TLCD3A: variants seen among roughly 807,000 people sequenced by gnomAD.
TLCD3A encodes TLC domain-containing protein 3A.
In TLCD3A, 17 loss-of-function variants were observed where a neutral mutation model predicts 29.9. The observed-to-expected ratio is 0.57, with a 90% CI of 0.39 to 0.85. The LOEUF (loss-of-function observed/expected upper bound fraction) is 0.85. Ranked by LOEUF, TLCD3A falls within the 40% of genes least tolerant of loss-of-function variation. TLCD3A has a pLI of 0.00. For missense variants in TLCD3A, 332 were observed against 350.8 expected (o/e 0.95, Z 0.43); for synonymous variants, 143 against 147.7 (o/e 0.97, Z 0.23).
At chr17:733,438 G>A (rs1974107587) in intron 2 of TLCD3A, among the ~76,000 whole-genome samples, 1 of 152,214 alleles carries the variant, frequency 6.6e-6, no homozygotes, top group African/African-American at 2.4e-5. Context: ...GAAGAGATAA[G>A]CGTGGAAGCA....
rs1034412835 is a variant in TLCD3A at position 741,678 on chromosome 17, C to T, written c.*108C>T. On this transcript the variant is annotated 3_prime_UTR_variant, in exon 5 of 5. Coordinates refer to ENST00000308278, the MANE Select transcript of TLCD3A (RefSeq NM_024792.3). ...CCTCAGACTTTGGGTATTGATAAGC[C>T]GATGGATTTGAGTTTTTCTAAAGAA... 5.3e-6 allele frequency: 7 copies of T among 1,326,794 alleles called. No homozygotes were observed. The highest frequency in any genetic ancestry group is 1.4e-5 in the South Asian group (1 of 70,634). 82.2% of individuals were successfully genotyped at this position (1,326,794 alleles called of 1,614,324 possible). A position where few individuals can be genotyped will look rare whatever the true frequency, so the allele number is the denominator to read the frequency against.
intron 3 of TLCD3A, among the ~76,000 whole-genome samples, chr17:739,145 T>C (rs1363667344): frequency 2.0e-5 from 3 of 151,586 alleles, no homozygotes; most frequent in Non-Finnish European, 4.4e-5. Context: ...TTCCTCACTC[T>C]TGAGTGCCTG....
chr17:732,827 C>G, intron 1 of TLCD3A, 58 bp downstream of exon 1: 2 of 1,389,826 alleles, frequency 1.4e-6, no homozygotes, highest in Non-Finnish European at 1.9e-6. Flanking sequence ...CGCACCCCAC[C>G]CGGCCGCGGG....
intron 3 of TLCD3A, among the ~76,000 whole-genome samples, chr17:740,071 A>G (rs539271316): frequency 2.0e-5 from 3 of 152,178 alleles, no homozygotes; most frequent in Non-Finnish European, 4.4e-5. Context: ...AAATAAATAA[A>G]TAAGGGTAAC....
At chr17:740,125 G>A (rs1381078092) in intron 3 of TLCD3A, among the ~76,000 whole-genome samples, 1 of 152,170 alleles carries the variant, frequency 6.6e-6, no homozygotes, top group Non-Finnish European at 1.5e-5. Context: ...TACCATCTAG[G>A]AACCAGAACA....
intron 1 of TLCD3A, 86 bp from the exon 2 acceptor site, chr17:733,012 G>C (rs2144103939): frequency 3.4e-6 from 5 of 1,468,580 alleles, no homozygotes; most frequent in Non-Finnish European, 4.6e-6. Context: ...TGCGGCTGGG[G>C]AGAGTCAGGC....
Position 741,782 on chromosome 17 carries a change from A to AATGGAAT in TLCD3A, c.*212_*213insATGGAAT. On this transcript the variant is annotated 3_prime_UTR_variant, in exon 5 of 5. Coordinates refer to ENST00000308278, the MANE Select transcript of TLCD3A (RefSeq NM_024792.3). ...AGTAACAACTATTGGGTCCTGTCAG[A>AATGGAAT]CCTCCACGGACAGCAAAGTGGTTTT... is the stretch of plus-strand genomic sequence containing the variant. 1 of 602,782 alleles carries AATGGAAT rather than the reference A, an allele frequency of 1.7e-6. No homozygotes were observed. 37.3% of individuals were successfully genotyped at this position (602,782 alleles called of 1,614,324 possible).
At chr17:740,726 C>G in intron 4 of TLCD3A, 126 bp downstream of exon 4, 1 of 975,812 alleles carries the variant, frequency 1.0e-6, no homozygotes, top group Non-Finnish European at 1.6e-6. Flanking sequence ...AGTGAAGGTT[C>G]TGATTCAGGC....
chr17:740,740 TATGA>T, intron 4 of TLCD3A, 140 bp downstream of exon 4: 5 of 858,022 alleles, frequency 5.8e-6, no homozygotes, highest in Non-Finnish European at 5.5e-6. Flanking sequence ...TTCAGGCATG[TATGA>T]ATGAATGGCA....
In TLCD3A at chr17:738,414, C is replaced by T. The variant is rs543895460; in HGVS notation, c.408+367C>T. Among the ~76,000 whole-genome samples the T allele has an allele frequency of 2.0e-4, 30 of 150,794 alleles. No individual in the cohort carries two copies. The East Asian group carries it at 5.6e-3, about 28-fold the overall frequency. Reference sequence around the variant, plus strand: ...CCCGGCCTGAGCTGGATGTCTTGACCGTTACTTAGGAGTCGGGATTGCCCC... The same window carrying T: ...CCCGGCCTGAGCTGGATGTCTTGACTGTTACTTAGGAGTCGGGATTGCCCC... On this transcript the variant is annotated intron_variant, in intron 3 of 4. Transcript: ENST00000308278.
chr17:740,388 C>T (rs1329853893), intron 3 of TLCD3A, 117 bp from the exon 4 acceptor site: 13 of 771,478 alleles, frequency 1.7e-5, no homozygotes, highest in South Asian at 1.6e-4. Flanking sequence ...TCTGCGCTTG[C>T]CTATTGAGCG....
At chr17:737,702 C>CTA in intron 2 of TLCD3A, 144 bp from the exon 3 acceptor site, 3 of 815,088 alleles carry the variant, frequency 3.7e-6, no homozygotes, top group Non-Finnish European at 6.0e-6. Context: ...AGCAAGTGGT[C>CTA]TACTCTCCCT....
chr17:736,740 C>G (rs1282626900), intron 2 of TLCD3A, among the ~76,000 whole-genome samples: 1 of 152,108 alleles, frequency 6.6e-6, no homozygotes, highest in East Asian at 1.9e-4. Context: ...ACTGCAACCT[C>G]TGCCTCCCAG....
chr17:740,923 T>G (rs916833115), intron 4 of TLCD3A, among the ~76,000 whole-genome samples: 2 of 152,186 alleles, frequency 1.3e-5, no homozygotes, highest in African/African-American at 2.4e-5. Context: ...GCTGGTCATC[T>G]CAGCCAGTGG....
intron 2 of TLCD3A, among the ~76,000 whole-genome samples, chr17:736,330 A>G (rs1974153417): frequency 6.6e-6 from 1 of 152,232 alleles, no homozygotes; most frequent in South Asian, 2.1e-4. Context: ...TTTTCTACCT[A>G]ATACGTGGAT....
intron 3 of TLCD3A, among the ~76,000 whole-genome samples, chr17:739,724 G>A (rs1418639568): frequency 1.3e-5 from 2 of 152,200 alleles, no homozygotes; most frequent in East Asian, 1.9e-4. Flanking sequence ...GGCTCTAAGA[G>A]TATTCTTATA....
intron 3 of TLCD3A, among the ~76,000 whole-genome samples, chr17:738,259 C>A (rs954316549): frequency 6.6e-6 from 1 of 152,002 alleles, no homozygotes; most frequent in African/African-American, 2.4e-5. Flanking sequence ...CCACGCCCGG[C>A]TAATGTTTGT....
In TLCD3A at chr17:733,098, G is replaced by A; in HGVS notation, c.123G>A (p.Arg41=). Residue 41 remains arginine, a splice_region_variant and synonymous_variant, in exon 2 of 5, where the codon AGG becomes AGA. Transcript: ENST00000308278. ...GCGCTGTTCTCTCCGCCCGCGCTAG[G>A]CTGGTTTCCTCGGTGCACGCCGTGC... is the stretch of plus-strand genomic sequence containing the variant. ...SRTDCVMIST[R]LVSSVHAVLA... 1.9e-6 allele frequency: 3 copies of A among 1,586,206 alleles called. No individual in the cohort carries two copies. Among genetic ancestry groups the A allele is most frequent in the East Asian group, 4.7e-5 (2 of 42,724 alleles).
rs79387547 is a variant in TLCD3A at position 739,803 on chromosome 17, C to T, written c.409-702C>T. Among the ~76,000 whole-genome samples, 1,287 of 152,236 alleles carry T rather than the reference C, an allele frequency of 8.5e-3. 23 individuals are homozygous for T. The highest frequency in any genetic ancestry group is 0.029 in the African/African-American group (1,185 of 41,538). On this transcript the variant is annotated intron_variant, in intron 3 of 4. Transcript: ENST00000308278. ...TTACTGCTTTCTTGAAAAAAGAGGC[C>T]GGGCGAGGTGGCTCATGCCTGTAAT...
Sources: gnomAD v4.1 joint callset for allele counts (sites outside exome capture counted in the v4.1 genomes callset) on GRCh38, gnomAD v4.1.1 for gene constraint, MANE v1.5 for transcripts, NCBI Gene and HGNC (gene_info 2026-07-23, HGNC 2026-07-21) for gene names.